CDH20: variants seen among roughly 807,000 people sequenced by gnomAD.
CDH20 encodes cadherin-20.
In CDH20, 29 loss-of-function variants were observed where a neutral mutation model predicts 74.2. That is an observed-to-expected ratio of 0.39 (90% CI 0.29 to 0.53). The LOEUF is 0.53. Among genes scored for constraint, CDH20 ranks in the 20% least tolerant of loss-of-function variants. The probability of loss-of-function intolerance (pLI) is 0.69; values close to 1 mark genes in which losing one functional copy is unlikely to be tolerated. For synonymous variants in CDH20, 469 were observed against 405.4 expected (o/e 1.16, Z -1.88); for missense variants, 988 against 1,048.3 (o/e 0.94, Z 0.79).
chr18:61,367,040 G>C (rs72991810), intron 1 of CDH20, among the ~76,000 whole-genome samples: 3 of 152,080 alleles, frequency 2.0e-5, no homozygotes, highest in Non-Finnish European at 2.9e-5. Context: ...CAGACAGGAA[G>C]AGAGAAATAA....
chr18:61,515,072 G>A (rs1286396683), intron 6 of CDH20, among the ~76,000 whole-genome samples: 1 of 152,080 alleles, frequency 6.6e-6, no homozygotes, highest in Admixed American at 6.5e-5. Flanking sequence ...ATCAAGCCTG[G>A]GCAATGGCGG....
intron 1 of CDH20, among the ~76,000 whole-genome samples, chr18:61,356,731 TA>T: frequency 6.6e-6 from 1 of 152,334 alleles, no homozygotes; most frequent in African/African-American, 2.4e-5. Context: ...GCTAATGTTT[TA>T]ATGATCCCTA....
chr18:61,433,480 TATC>T, intron 1 of CDH20, among the ~76,000 whole-genome samples: 1 of 152,304 alleles, frequency 6.6e-6, no homozygotes, highest in South Asian at 2.1e-4. Flanking sequence ...CACTGGGAAT[TATC>T]ATTTCACCAG....
chr18:61,440,038 C>T (rs1908974547), intron 1 of CDH20, among the ~76,000 whole-genome samples: 1 of 152,130 alleles, frequency 6.6e-6, no homozygotes, highest in African/African-American at 2.4e-5. Flanking sequence ...AGCAGTTTCC[C>T]CATTTTGCCT....
chr18:61,450,892 AT>A (rs895693125), intron 1 of CDH20, among the ~76,000 whole-genome samples: 4 of 151,898 alleles, frequency 2.6e-5, no homozygotes, highest in African/African-American at 4.8e-5. Context: ...GAACACTTAC[AT>A]TTTTTTGACT....
At chr18:61,481,149 C>T (rs957159039) in intron 1 of CDH20, among the ~76,000 whole-genome samples, 9 of 152,032 alleles carry the variant, frequency 5.9e-5, no homozygotes, top group Non-Finnish European at 1.2e-4. Context: ...AAAGATATTA[C>T]CCATGTCTTC....
At chr18:61,407,059 G>A (rs1912354322) in intron 1 of CDH20, among the ~76,000 whole-genome samples, 1 of 152,180 alleles carries the variant, frequency 6.6e-6, no homozygotes, top group Non-Finnish European at 1.5e-5. Context: ...CAAGTAAGAG[G>A]ACTTGGCAAC....
chr18:61,378,553 T>A (rs1481091556), intron 1 of CDH20, among the ~76,000 whole-genome samples: 1 of 152,088 alleles, frequency 6.6e-6, no homozygotes, highest in South Asian at 2.1e-4. Context: ...TCCAGAAACA[T>A]CCTCTTTACT....
rs191700715 is a variant in CDH20, at chr18:61,490,916, A to G, written c.246+117A>G. ...CCTGAGAAAAACTAGAACAAGTGGT[A>G]CGTTACTTGACACCTAGCTAAAATG... is the stretch of plus-strand genomic sequence containing the variant. On this transcript the variant is annotated intron_variant, in intron 2 of 11. Transcript: ENST00000262717. 1,454 of 1,045,550 alleles carry G rather than the reference A, an allele frequency of 1.4e-3. 5 individuals are homozygous for G. Among genetic ancestry groups the G allele is most frequent in the Non-Finnish European group, 1.9e-3 (1,326 of 697,834 alleles). The allele number at this position is 1,045,550 out of a possible 1,614,324, so 64.8% of individuals were successfully genotyped here.
intron 7 of CDH20, among the ~76,000 whole-genome samples, chr18:61,530,688 T>C (rs1354859011): frequency 5.9e-5 from 9 of 152,188 alleles, no homozygotes; most frequent in Admixed American, 5.9e-4. Flanking sequence ...GATATTTACA[T>C]GAAAAGACAA....
chr18:61,509,826 TA>T (rs367684146), intron 6 of CDH20, among the ~76,000 whole-genome samples: 9 of 152,084 alleles, frequency 5.9e-5, no homozygotes, highest in African/African-American at 2.2e-4. Context: ...ATGGAGGTGA[TA>T]AGAAGTGGTC....
At chr18:61,382,309 T>A (rs1007751568) in intron 1 of CDH20, among the ~76,000 whole-genome samples, 1 of 152,200 alleles carries the variant, frequency 6.6e-6, no homozygotes. Context: ...GAAAGATTAC[T>A]TAAATTGAAA....
chr18:61,416,321 T>C (rs945238858), intron 1 of CDH20, among the ~76,000 whole-genome samples: 1 of 152,232 alleles, frequency 6.6e-6, no homozygotes, highest in Non-Finnish European at 1.5e-5. Context: ...CTAAATTTTA[T>C]ATCACTAACA....
chr18:61,541,246 G>T (rs521515), intron 9 of CDH20, among the ~76,000 whole-genome samples: 80,728 of 151,378 alleles, frequency 0.53, 21,981 homozygotes, highest in South Asian at 0.64. Context: ...AAGTGAGGAG[G>T]TTTGGGTCTT....
rs1245194418 is a variant in CDH20, at chr18:61,519,636, A to G, written c.1018-8331A>G. Among the ~76,000 whole-genome samples the G allele has an allele frequency of 5.3e-5, 8 of 151,332 alleles. 1 individual carries two copies. Among genetic ancestry groups the G allele is most frequent in the Admixed American group, 5.3e-4 (8 of 15,238 alleles). ...CCTCAAGGAAGCACTAAATATAGAA[A>G]GGAAAAACTGGTACCAGCCACTGCA... is the stretch of plus-strand genomic sequence containing the variant. On this transcript the variant is annotated intron_variant, in intron 6 of 11. Coordinates refer to ENST00000262717, the MANE Select transcript of CDH20 (RefSeq NM_031891.4).
chr18:61,403,244 T>C (rs1289946169), intron 1 of CDH20, among the ~76,000 whole-genome samples: 1 of 152,220 alleles, frequency 6.6e-6, no homozygotes, highest in Non-Finnish European at 1.5e-5. Flanking sequence ...ATTTCTGGGA[T>C]GTTGAGGAGA....
At chr18:61,509,380 C>T (rs541204148) in intron 6 of CDH20, among the ~76,000 whole-genome samples, 41 of 152,208 alleles carry the variant, frequency 2.7e-4, no homozygotes, top group Admixed American at 1.2e-3. Flanking sequence ...GAAAAGCATA[C>T]GTGGCAGTCC....
At chr18:61,441,652 T>C (rs1222371258) in intron 1 of CDH20, among the ~76,000 whole-genome samples, 1 of 152,222 alleles carries the variant, frequency 6.6e-6, no homozygotes, top group Non-Finnish European at 1.5e-5. Flanking sequence ...CAAAGGCAAC[T>C]TAAGTATTTG....
At chr18:61,490,315 A>G in intron 1 of CDH20, 87 bp from the exon 2 acceptor site, 3 of 467,270 alleles carry the variant, frequency 6.4e-6, no homozygotes, top group Non-Finnish European at 1.2e-5. Context: ...AGAAAGTTGA[A>G]TATTTACTGA....
Sources: gnomAD v4.1 joint callset for allele counts (sites outside exome capture counted in the v4.1 genomes callset) on GRCh38, gnomAD v4.1.1 for gene constraint, MANE v1.5 for transcripts, NCBI Gene and HGNC (gene_info 2026-07-23, HGNC 2026-07-21) for gene names.